The following THRB variants were observed in gnomAD, a reference collection of about 807,000 sequenced individuals.
The protein encoded by THRB is nuclear receptor subfamily 1 group A member 2.
THRB carries 12 observed loss-of-function variants against 47.8 expected under a neutral mutation model. That is an observed-to-expected ratio of 0.25 (90% CI 0.16 to 0.41). The LOEUF (loss-of-function observed/expected upper bound fraction) is 0.41. Ranked by LOEUF, THRB falls within the 10% of genes least tolerant of loss-of-function variation. THRB has a pLI of 1.00. For synonymous variants in THRB, 218 were observed against 212.2 expected, an observed-to-expected ratio of 1.03 and a Z score of -0.24; for missense variants, 348 against 589.2, an observed-to-expected ratio of 0.59 and a Z score of 4.24.
intron 2 of THRB, among the ~76,000 whole-genome samples, chr3:24,319,439 G>A (rs2058335452): frequency 6.6e-6 from 1 of 152,180 alleles, no homozygotes; most frequent in African/African-American, 2.4e-5. Flanking sequence ...TCTTACAAAT[G>A]TTATGTTGAG....
intron 4 of THRB, among the ~76,000 whole-genome samples, chr3:24,203,082 T>C (rs1465392599): frequency 6.6e-6 from 1 of 152,110 alleles, no homozygotes; most frequent in Non-Finnish European, 1.5e-5. Context: ...AGAAGCAAAA[T>C]CTCTCCTGGA....
At chr3:24,188,743 C>T (rs1050142346) in intron 5 of THRB, among the ~76,000 whole-genome samples, 8 of 57,880 alleles carry the variant, frequency 1.4e-4, no homozygotes, top group Admixed American at 8.9e-4. Context: ...ATGTATTTTG[C>T]GCACGCACAC....
At chr3:24,447,442 T>C (rs1336514986) in intron 1 of THRB, among the ~76,000 whole-genome samples, 2 of 152,148 alleles carry the variant, frequency 1.3e-5, no homozygotes, top group South Asian at 2.1e-4. Context: ...ACACCCTTCT[T>C]TGCAGTAATG....
At chr3:24,371,793 C>G (rs2064937363) in intron 1 of THRB, among the ~76,000 whole-genome samples, 1 of 152,122 alleles carries the variant, frequency 6.6e-6, no homozygotes, top group African/African-American at 2.4e-5. Flanking sequence ...AAGGCATTTT[C>G]TTATATTAGT....
chr3:24,305,840 A>G (rs17014497), intron 2 of THRB, among the ~76,000 whole-genome samples: 4,298 of 152,294 alleles, frequency 0.028, 173 homozygotes, highest in African/African-American at 0.096. Flanking sequence ...AGTTCTATGC[A>G]GCATTCAAAA....
chr3:24,139,786 T>G (rs1368137987), intron 8 of THRB, among the ~76,000 whole-genome samples: 1 of 152,242 alleles, frequency 6.6e-6, no homozygotes, highest in Admixed American at 6.5e-5. Context: ...AATAATGCAC[T>G]TACCCATTCC....
intron 3 of THRB, among the ~76,000 whole-genome samples, chr3:24,258,829 C>A (rs995202457): frequency 2.0e-5 from 3 of 152,168 alleles, no homozygotes; most frequent in African/African-American, 7.2e-5. Context: ...AGGTTACCAG[C>A]AAGTAGCAAA....
intron 2 of THRB, among the ~76,000 whole-genome samples, chr3:24,325,816 GA>G (rs1053653525): frequency 1.8e-4 from 27 of 152,174 alleles, no homozygotes; most frequent in African/African-American, 5.3e-4. Flanking sequence ...GTTTGAGGTA[GA>G]AAAAATTTTC....
At chr3:24,405,027 C>T (rs1040520971) in intron 1 of THRB, among the ~76,000 whole-genome samples, 1 of 151,938 alleles carries the variant, frequency 6.6e-6, no homozygotes, top group African/African-American at 2.4e-5. Context: ...AATGTTTTAT[C>T]ATGATTTTAA....
chr3:24,481,261 G>GTAAAAAAAAAAAAAAAAA, intron 1 of THRB, among the ~76,000 whole-genome samples: 1 of 95,266 alleles, frequency 1.0e-5, no homozygotes, highest in Admixed American at 1.1e-4. Context: ...TTTTTTTACG[G>GTAAAAAAAAAAAAAAAAA]AAAAAGAAAA....
chr3:24,485,404 C>T (rs551678751), intron 1 of THRB, among the ~76,000 whole-genome samples: 2 of 152,194 alleles, frequency 1.3e-5, no homozygotes, highest in Non-Finnish European at 2.9e-5. Flanking sequence ...AATCTGTTCC[C>T]AAAGACATCA....
chr3:24,342,911 G>C (rs1012949349), intron 1 of THRB, among the ~76,000 whole-genome samples: 1 of 152,194 alleles, frequency 6.6e-6, no homozygotes, highest in Non-Finnish European at 1.5e-5. Flanking sequence ...TTAGAAGGTT[G>C]TGTGTTTGGG....
intron 1 of THRB, among the ~76,000 whole-genome samples, chr3:24,378,825 A>G (rs932616192): frequency 6.6e-6 from 1 of 152,182 alleles, no homozygotes; most frequent in Non-Finnish European, 1.5e-5. Context: ...ATTCTCATGT[A>G]TCTTTTGATA....
intron 2 of THRB, among the ~76,000 whole-genome samples, chr3:24,331,171 G>A (rs2061904520): frequency 6.6e-6 from 1 of 152,016 alleles, no homozygotes; most frequent in Admixed American, 6.6e-5. Context: ...GAGTGATGAT[G>A]ACTTGAGCGT....
chr3:24,418,995 T>G (rs751345241), intron 1 of THRB, among the ~76,000 whole-genome samples: 2 of 151,848 alleles, frequency 1.3e-5, no homozygotes, highest in African/African-American at 2.4e-5. Flanking sequence ...ATACCTGCAG[T>G]GCCCATGACA....
chr3:24,228,470 T>C (rs1156658129), intron 4 of THRB, among the ~76,000 whole-genome samples: 4 of 151,878 alleles, frequency 2.6e-5, no homozygotes, highest in Non-Finnish European at 4.4e-5. Context: ...TTGGAATGAC[T>C]GTAAGAAGTA....
intron 3 of THRB, among the ~76,000 whole-genome samples, chr3:24,284,688 A>G (rs2055049945): frequency 6.7e-6 from 1 of 149,466 alleles, no homozygotes; most frequent in South Asian, 2.1e-4. Flanking sequence ...CTCATCTGAC[A>G]AAGGGCTAAT....
rs71057662 is a variant in THRB, at chr3:24,243,068, G to GAAA, written c.-42-14070_-42-14068dup. Reference sequence around the variant, plus strand: ...ACATCAAAATCACCTGCGCACCTTTGAAAAAAAAAAAAAAAAAAAAAAAAA... The same window carrying GAAA: ...ACATCAAAATCACCTGCGCACCTTTGAAAAAAAAAAAAAAAAAAAAAAAAAAAA... On this transcript the variant is annotated intron_variant, in intron 3 of 10. Transcript: ENST00000646209. Among the ~76,000 whole-genome samples, 21 of 91,962 alleles carry GAAA rather than the reference G, an allele frequency of 2.3e-4. 1 individual carries two copies. The East Asian group carries it at 3.2e-3, about 14-fold the overall frequency. 60.3% of individuals were successfully genotyped at this position (91,962 alleles called of 152,430 possible).
At chr3:24,128,562 G>A (rs1450098255) in intron 9 of THRB, among the ~76,000 whole-genome samples, 1 of 152,178 alleles carries the variant, frequency 6.6e-6, no homozygotes, top group Non-Finnish European at 1.5e-5. Context: ...TTCTGGAAGG[G>A]GAGACTATTT....
Sources: gnomAD v4.1 joint callset for allele counts (sites outside exome capture counted in the v4.1 genomes callset) on GRCh38, gnomAD v4.1.1 for gene constraint, MANE v1.5 for transcripts, NCBI Gene and HGNC (gene_info 2026-07-23, HGNC 2026-07-21) for gene names.